The following STS variants were observed in gnomAD, a reference collection of about 807,000 sequenced individuals.
STS encodes the protein steroid sulfatase.
STS carries 7 observed loss-of-function variants against 26.8 expected under a neutral mutation model. The ratio of observed to expected loss-of-function variants is 0.26; its 90% CI spans 0.15 to 0.49. STS has a LOEUF of 0.49. Ranked by LOEUF, STS falls within the 20% of genes least tolerant of loss-of-function variation. The pLI, the probability that STS is intolerant of heterozygous loss-of-function variation, is 0.98. For missense variants in STS, 434 were observed against 465.6 expected, an observed-to-expected ratio of 0.93 and a Z score of 0.63; for synonymous variants, 199 against 189.4, an observed-to-expected ratio of 1.05 and a Z score of -0.42.
At chrX:7,258,795 G>A (rs190058827) in intron 5 of STS, among the ~76,000 whole-genome samples, 3 of 110,630 alleles carry the variant, frequency 2.7e-5, no homozygotes, top group Admixed American at 1.9e-4. Flanking sequence ...TCAGGGGTAG[G>A]TTCTGAAGTA....
At chrX:7,227,230 A>G (rs1455167144) in intron 2 of STS, among the ~76,000 whole-genome samples, 1 of 111,438 alleles carries the variant, frequency 9.0e-6, no homozygotes, top group Non-Finnish European at 1.9e-5. Flanking sequence ...TCCCTGGTCT[A>G]TGTTGCTTAT....
chrX:7,328,549 G>C (rs1167328847), intron 9 of STS, among the ~76,000 whole-genome samples: 1 of 85,076 alleles, frequency 1.2e-5, no homozygotes, highest in Non-Finnish European at 2.2e-5. Flanking sequence ...GGTGCTTGCT[G>C]ACCTCATTTT....
intron 1 of STS, among the ~76,000 whole-genome samples, chrX:7,150,556 A>T (rs1408657557): frequency 8.9e-6 from 1 of 112,202 alleles, no homozygotes; most frequent in East Asian, 2.8e-4. Flanking sequence ...AAAGGCCCCA[A>T]TGCCATTTTG....
intron 2 of STS, among the ~76,000 whole-genome samples, chrX:7,223,490 T>C (rs1426326082): frequency 8.9e-6 from 1 of 112,313 alleles, no homozygotes; most frequent in African/African-American, 3.2e-5. Context: ...ATTTCTCCGA[T>C]GATTAGTGGT....
chrX:7,164,203 A>G (rs1050825207), intron 1 of STS, among the ~76,000 whole-genome samples: 6 of 111,755 alleles, frequency 5.4e-5, no homozygotes, highest in Non-Finnish European at 9.4e-5. Context: ...GACATGAGAT[A>G]TTCACCATTA....
chrX:7,243,240 C>A (rs1764858700), intron 2 of STS, among the ~76,000 whole-genome samples: 2 of 111,762 alleles, frequency 1.8e-5, no homozygotes, highest in African/African-American at 3.3e-5. Flanking sequence ...TTTTTACATT[C>A]TTTGTAGAGA....
chrX:7,218,218 G>A (rs974747494), intron 2 of STS, among the ~76,000 whole-genome samples: 2 of 112,473 alleles, frequency 1.8e-5, no homozygotes, highest in Non-Finnish European at 3.8e-5. Context: ...CAGGGTATTA[G>A]CGCACAGCAT....
chrX:7,203,319 T>TA (rs1451974623), intron 2 of STS, among the ~76,000 whole-genome samples: 1 of 106,530 alleles, frequency 9.4e-6, no homozygotes, highest in African/African-American at 3.4e-5. Flanking sequence ...ACCATGTGCT[T>TA]AAAAAATAGG....
chrX:7,327,655 G>C (rs1408586194), intron 9 of STS, among the ~76,000 whole-genome samples: 3 of 111,240 alleles, frequency 2.7e-5, no homozygotes, highest in Non-Finnish European at 5.6e-5. Flanking sequence ...AAAGTGCTGG[G>C]ATTACAGGCT....
chrX:7,235,678 G>A (rs1309265117), intron 2 of STS, among the ~76,000 whole-genome samples: 1 of 111,322 alleles, frequency 9.0e-6, no homozygotes, highest in Non-Finnish European at 1.9e-5. Flanking sequence ...TTGGGTGGGA[G>A]GATTGCTTGA....
chrX:7,331,127 A>G (rs983506720), intron 9 of STS, among the ~76,000 whole-genome samples: 3 of 111,360 alleles, frequency 2.7e-5, no homozygotes, highest in Non-Finnish European at 5.7e-5. Flanking sequence ...TGGGAAGGAC[A>G]TCCCACGTGG....
intron 1 of STS, among the ~76,000 whole-genome samples, chrX:7,160,498 G>A (rs925125995): frequency 5.3e-4 from 59 of 112,040 alleles, no homozygotes; most frequent in African/African-American, 1.9e-3. Context: ...ACACAAGCTT[G>A]GTATAAAGAA....
chrX:7,151,402 G>C (rs754454333), intron 1 of STS, among the ~76,000 whole-genome samples: 1 of 112,070 alleles, frequency 8.9e-6, no homozygotes, highest in Non-Finnish European at 1.9e-5. Flanking sequence ...AGACCAGAAA[G>C]CTCTGACTTC....
intron 2 of STS, among the ~76,000 whole-genome samples, chrX:7,193,284 T>C (rs1195476506): frequency 1.8e-5 from 2 of 112,223 alleles, no homozygotes; most frequent in Non-Finnish European, 3.8e-5. Context: ...TTTTCAAGAA[T>C]AATTTATTTT....
At chrX:7,215,765 TC>T (rs1400672419) in intron 2 of STS, among the ~76,000 whole-genome samples, 1 of 111,739 alleles carries the variant, frequency 8.9e-6, no homozygotes, top group Non-Finnish European at 1.9e-5. Flanking sequence ...CCTGCACTCC[TC>T]AAAGGTCATC....
chrX:7,230,742 A>G (rs1328635375), intron 2 of STS, among the ~76,000 whole-genome samples: 1 of 111,075 alleles, frequency 9.0e-6, no homozygotes, highest in Non-Finnish European at 1.9e-5. Flanking sequence ...TATCACAAGA[A>G]CAGCATGGGG....
At chrX:7,271,582 G>A (rs1924271052) in intron 6 of STS, among the ~76,000 whole-genome samples, 1 of 111,047 alleles carries the variant, frequency 9.0e-6, no homozygotes, top group Admixed American at 9.6e-5. Flanking sequence ...GACAATTACA[G>A]TGCTTCCATC....
At chrX:7,214,377 T>A (rs949065479) in intron 2 of STS, among the ~76,000 whole-genome samples, 2 of 111,923 alleles carry the variant, frequency 1.8e-5, no homozygotes, top group Non-Finnish European at 3.8e-5. Context: ...TTATTGTCTC[T>A]GATTAATCAC....
At chrX:7,215,943 G>A (rs1344226287) in intron 2 of STS, among the ~76,000 whole-genome samples, 1 of 111,870 alleles carries the variant, frequency 8.9e-6, no homozygotes, top group Non-Finnish European at 1.9e-5. Flanking sequence ...CTGGGACCAT[G>A]TGACCAATGC....
Sources: gnomAD v4.1 joint callset for allele counts (sites outside exome capture counted in the v4.1 genomes callset) on GRCh38, gnomAD v4.1.1 for gene constraint, MANE v1.5 for transcripts, NCBI Gene and HGNC (gene_info 2026-07-23, HGNC 2026-07-21) for gene names.